TRIM17: variants seen among roughly 807,000 people sequenced by gnomAD.
TRIM17 encodes the protein tripartite motif containing 17.
Under a neutral mutation model 35.8 loss-of-function variants are expected in TRIM17, and 27 were observed. That is an observed-to-expected ratio of 0.75 (90% CI 0.56 to 1.04). The LOEUF is 1.04. Ranked by LOEUF, TRIM17 falls within the 50% of genes least tolerant of loss-of-function variation. The pLI, the probability that TRIM17 is intolerant of heterozygous loss-of-function variation, is 0.00. For missense variants in TRIM17, 582 were observed against 612.8 expected, an observed-to-expected ratio of 0.95 and a Z score of 0.53; for synonymous variants, 246 against 252.6, an observed-to-expected ratio of 0.97 and a Z score of 0.25.
chr1:228,409,595 A>G (rs1336447753), intron 4 of TRIM17, 184 bp from the exon 5 acceptor site: 13 of 555,798 alleles, frequency 2.3e-5, no homozygotes, highest in African/African-American at 3.8e-5. Flanking sequence ...CACTACCACC[A>G]GAGCCCCCAG....
rs1296156460 is a variant in TRIM17, at chr1:228,416,600, A to G, written c.-103T>C. The G allele has an allele frequency of 7.2e-5, 71 of 983,656 alleles. No homozygotes were observed. The highest frequency in any genetic ancestry group is 8.3e-5 in the Non-Finnish European group (69 of 829,930). 60.9% of individuals were successfully genotyped at this position (983,656 alleles called of 1,614,324 possible). A position where few individuals can be genotyped will look rare whatever the true frequency, so the allele number is the denominator to read the frequency against. On this transcript the variant is annotated 5_prime_UTR_variant, in exon 1 of 7. Coordinates refer to ENST00000366698, the MANE Select transcript of TRIM17 (RefSeq NM_016102.4). ...CTGGCCGAGCGCTCGCTGCCGGGAA[A>G]GGCTGGGTCTGCCCCCACGAAGCCC...
At chr1:228,409,348 C>G (rs572464699) in intron 5 of TRIM17, 41 bp downstream of exon 5, 1 of 1,597,140 alleles carries the variant, frequency 6.3e-7, no homozygotes, top group Non-Finnish European at 8.5e-7. Context: ...CCCCGCCCAC[C>G]GCTGCCACTG....
chr1:228,408,071 G>C lies in TRIM17; in HGVS notation c.*130C>G, dbSNP rs1656533353. ...CTAATCACAATTATATTTAGAATTT[G>C]AGAAACCCCCCTGTGTGTCTAATGG... is the stretch of plus-strand genomic sequence containing the variant. On this transcript the variant is annotated 3_prime_UTR_variant, in exon 7 of 7. Transcript: ENST00000366698. The surrounding 1 kb of genome is among the most constrained non-coding windows in gnomAD (Gnocchi z 6.3). 1 of 817,790 alleles carries C rather than the reference G, an allele frequency of 1.2e-6. No homozygotes were observed. The highest frequency in any genetic ancestry group is 1.9e-6 in the Non-Finnish European group (1 of 533,346). 50.7% of individuals were successfully genotyped at this position (817,790 alleles called of 1,614,324 possible).
chr1:228,409,284 G>C lies in TRIM17; in HGVS notation c.780-9C>G. 1 of 1,613,150 alleles carries C rather than the reference G, an allele frequency of 6.2e-7. No individual in the cohort carries two copies. Among genetic ancestry groups the C allele is most frequent in the Non-Finnish European group, 8.5e-7 (1 of 1,179,440 alleles). On this transcript the variant is annotated splice_polypyrimidine_tract_variant and intron_variant, in intron 5 of 6. Coordinates refer to ENST00000366698, the MANE Select transcript of TRIM17 (RefSeq NM_016102.4). ...CACTCACGTTGTTCTTCCTCCGGTGGGCACACACAGGGGAGTCTTATTGAC... is the reference window on the plus strand; with the variant it reads ...CACTCACGTTGTTCTTCCTCCGGTGCGCACACACAGGGGAGTCTTATTGAC...
rs1230097669 is a variant in TRIM17 at position 228,408,331 on chromosome 1, C to T, written c.1304G>A (p.Ser435Asn). ...GTAGGTGTGCAGGTGGGACCCATCGCTTACACTGTAGAAGGACACTTCCCC... is the reference window on the plus strand; with the variant it reads ...GTAGGTGTGCAGGTGGGACCCATCGTTTACACTGTAGAAGGACACTTCCCC... Reference protein sequence around the residue: ...EAGEVSFYSVSDGSHLHTYSQ... With the variant: ...EAGEVSFYSVNDGSHLHTYSQ... Residue 435 changes from serine to asparagine, a missense_variant, in exon 7 of 7, where the codon AGC becomes AAC. Coordinates refer to ENST00000366698, the MANE Select transcript of TRIM17 (RefSeq NM_016102.4). The surrounding 1 kb of genome is among the most constrained non-coding windows in gnomAD (Gnocchi z 6.3). 2 of 1,613,914 alleles carry T rather than the reference C, an allele frequency of 1.2e-6. No individual in the cohort carries two copies. Among genetic ancestry groups the T allele is most frequent in the African/African-American group, 1.3e-5 (1 of 75,028 alleles).
Position 228,409,280 on chromosome 1 carries a change from G to T in TRIM17, c.780-5C>A, listed in dbSNP as rs753662808. The stretch of plus-strand genomic sequence containing the variant: ...TGCACACTCACGTTGTTCTTCCTCC[G>T]GTGGGCACACACAGGGGAGTCTTAT... On this transcript the variant is annotated splice_region_variant and splice_polypyrimidine_tract_variant and intron_variant, in intron 5 of 6. Coordinates refer to ENST00000366698, the MANE Select transcript of TRIM17 (RefSeq NM_016102.4). 2.5e-6 allele frequency: 4 copies of T among 1,613,126 alleles called. No homozygotes were observed. In the African/African-American group the frequency reaches 5.3e-5, roughly 22 times the overall value.
rs1433779553 is a variant in TRIM17 at position 228,410,833 on chromosome 1, A to T, written c.756+113T>A. 3 of 749,350 alleles carry T rather than the reference A, an allele frequency of 4.0e-6. No homozygotes were observed. In the African/African-American group the frequency reaches 5.3e-5, roughly 13 times the overall value. 46.4% of individuals were successfully genotyped at this position (749,350 alleles called of 1,614,324 possible). ...GCCACCCAGCCTCCAGGACTAGCAG[A>T]CTGGGAGCTAACAGCCCTTTCCCGT... On this transcript the variant is annotated intron_variant, in intron 4 of 6. Coordinates refer to ENST00000366698, the MANE Select transcript of TRIM17 (RefSeq NM_016102.4). The surrounding 1 kb of genome is among the most constrained non-coding windows in gnomAD (Gnocchi z 4.6).
In TRIM17 at chr1:228,416,634, G is replaced by GCGGCC; in HGVS notation, c.-142_-138dup. On this transcript the variant is annotated 5_prime_UTR_variant, in exon 1 of 7. Coordinates refer to ENST00000366698, the MANE Select transcript of TRIM17 (RefSeq NM_016102.4). ...CTGCCCCCACGAAGCCCAGGAGGCT[G>GCGGCC]CGGCCCGGCCCGGGGCGTGGGGACC... 1.0e-6 allele frequency: 1 copy of GCGGCC among 985,412 alleles called. No individual in the cohort carries two copies. Among genetic ancestry groups the GCGGCC allele is most frequent in the Non-Finnish European group, 1.2e-6 (1 of 830,078 alleles). 61.0% of individuals were successfully genotyped at this position (985,412 alleles called of 1,614,324 possible).
At position 228,409,410 on chromosome 1, in the gene TRIM17, T is replaced by C; in HGVS notation, c.758A>G (p.Asp253Gly). 6.5e-7 allele frequency: 1 copy of C among 1,543,382 alleles called. No individual in the cohort carries two copies. The highest frequency in any genetic ancestry group is 8.7e-7 in the Non-Finnish European group (1 of 1,147,420). The change falls in exon 5 of 7, where the codon GAC becomes GGC. Residue 253 changes from aspartate to glycine, a missense_variant and splice_region_variant. Physicochemically the swap from Asp to Gly is moderately conservative, Grantham distance 94. Transcript: ENST00000366698. Reference protein sequence around the residue: ...STQGPLQMLQDMKEPLSRKNN... With the variant: ...STQGPLQMLQGMKEPLSRKNN... ...ATACCTGCTCAGGGGTTCCTTCATG[T>C]CCTGCAAAAGACAGGGACGGAGGGT...
At chr1:228,414,617 C>T (rs780162859) in intron 2 of TRIM17, 27 bp downstream of exon 2, 4 of 1,593,114 alleles carry the variant, frequency 2.5e-6, no homozygotes, top group Admixed American at 1.7e-5. Context: ...TCCCCGGCCC[C>T]TTGACCTGGG....
chr1:228,415,045 G>C lies in TRIM17; in HGVS notation c.28C>G (p.Leu10Val). MEAVELARKLQEEATCSICL... is the reference protein window; with the variant it reads MEAVELARKVQEEATCSICL... ...ATGGAGCACGTAGCTTCCTCCTGCAGTTTTCTGGCGAGTTCCACAGCCTCC... is the reference window on the plus strand; with the variant it reads ...ATGGAGCACGTAGCTTCCTCCTGCACTTTTCTGGCGAGTTCCACAGCCTCC... The change falls in exon 2 of 7, where the codon CTG becomes GTG. Residue 10 changes from leucine to valine, a missense_variant. By Grantham distance (32) the Leu-to-Val change is conservative. Transcript: ENST00000366698. 1.2e-6 allele frequency: 2 copies of C among 1,606,066 alleles called. No individual in the cohort carries two copies. Among genetic ancestry groups the C allele is most frequent in the South Asian group, 1.1e-5 (1 of 90,962 alleles).
Position 228,411,122 on chromosome 1 carries a change from G to A in TRIM17, c.580C>T (p.Leu194Phe), listed in dbSNP as rs774332447. 1.2e-6 allele frequency: 2 copies of A among 1,614,112 alleles called. No individual in the cohort carries two copies. Among genetic ancestry groups the A allele is most frequent in the Admixed American group, 1.7e-5 (1 of 60,020 alleles). ...CTCTGCTCTTCTTCCACCAGGTAGA[G>A]GTTCATCTTCTCAAACTCCAGCACA... ...RIVLEFEKMN[L>F]YLVEEEQRLL... is the part of the protein sequence containing the mutation. The change falls in exon 4 of 7, where the codon CTC becomes TTC. Residue 194 changes from leucine to phenylalanine, a missense_variant. By Grantham distance (22) the Leu-to-Phe change is conservative. Coordinates refer to ENST00000366698, the MANE Select transcript of TRIM17 (RefSeq NM_016102.4). This position sits in a 1 kb window ranked among gnomAD's most constrained non-coding sequence, Gnocchi z 4.2.
In TRIM17 at chr1:228,412,052, C is replaced by G. The variant is rs564624889; in HGVS notation, c.526-876G>C. Among the ~76,000 whole-genome samples, 291 of 152,226 alleles carry G rather than the reference C, an allele frequency of 1.9e-3. 1 individual carries two copies. Among genetic ancestry groups the G allele is most frequent in the African/African-American group, 6.6e-3 (275 of 41,520 alleles). ...GATTGCTTTTTGTTATTTTGTTTTT[C>G]CTTTTTCCATGAAGCTGAAGGCTGT... On this transcript the variant is annotated intron_variant, in intron 3 of 6. Coordinates refer to ENST00000366698, the MANE Select transcript of TRIM17 (RefSeq NM_016102.4).
chr1:228,408,578 A>C lies in TRIM17; in HGVS notation c.1057T>G (p.Trp353Gly), dbSNP rs769573207. ...QTAFSSGRHY[W>G]EVGMNITGDA... ...CCGGTGATGTTCATGCCCACCTCCCAGTAGTGCCTCCCAGAGGAGAAGGCC... is the reference window on the plus strand; with the variant it reads ...CCGGTGATGTTCATGCCCACCTCCCCGTAGTGCCTCCCAGAGGAGAAGGCC... Residue 353 changes from tryptophan to glycine, a missense_variant, in exon 7 of 7, where the codon TGG (tryptophan) becomes GGG (glycine). Transcript: ENST00000366698. The surrounding 1 kb of genome is among the most constrained non-coding windows in gnomAD (Gnocchi z 6.3). 2 of 1,614,068 alleles carry C rather than the reference A, an allele frequency of 1.2e-6. No individual in the cohort carries two copies. Among genetic ancestry groups the C allele is most frequent in the East Asian group, 4.5e-5 (2 of 44,878 alleles).
chr1:228,408,941 A>G lies in TRIM17; in HGVS notation c.884-190T>C. 1 of 1,491,066 alleles carries G rather than the reference A, an allele frequency of 6.7e-7. No individual in the cohort carries two copies. The highest frequency in any genetic ancestry group is 9.0e-7 in the Non-Finnish European group (1 of 1,116,306). The allele number at this position is 1,491,066 out of a possible 1,614,324, so 92.4% of individuals were successfully genotyped here. The stretch of plus-strand genomic sequence containing the variant: ...ATTGTGTGTGGGCCTTGGTGGCAAT[A>G]AGGTACAGGGGGCTGGGCAGAGAGA... On this transcript the variant is annotated intron_variant, in intron 6 of 6. Coordinates refer to ENST00000366698, the MANE Select transcript of TRIM17 (RefSeq NM_016102.4). The surrounding 1 kb of genome is among the most constrained non-coding windows in gnomAD (Gnocchi z 6.3).
Position 228,411,319 on chromosome 1 carries a change from C to T in TRIM17, c.526-143G>A, listed in dbSNP as rs977040530. On this transcript the variant is annotated intron_variant, in intron 3 of 6. Coordinates refer to ENST00000366698, the MANE Select transcript of TRIM17 (RefSeq NM_016102.4). This position sits in a 1 kb window ranked among gnomAD's most constrained non-coding sequence, Gnocchi z 4.2. ...GGGGACCAGGAACTGTGACAGAGGC[C>T]CCCACCTCTGCCATCCTGTGATACA... The T allele has an allele frequency of 4.5e-6, 3 of 663,912 alleles. No homozygotes were observed. Among genetic ancestry groups the T allele is most frequent in the Admixed American group, 5.9e-5 (2 of 33,982 alleles). 41.1% of individuals were successfully genotyped at this position (663,912 alleles called of 1,614,324 possible). A position where few individuals can be genotyped will look rare whatever the true frequency, so the allele number is the denominator to read the frequency against.
Position 228,415,114 on chromosome 1 carries a change from CTG to C in TRIM17, c.-41-3_-41-2del, listed in dbSNP as rs1193504166. On this transcript the variant is annotated splice_acceptor_variant and splice_polypyrimidine_tract_variant and intron_variant, in intron 1 of 6. Transcript: ENST00000366698. LOFTEE classifies it low-confidence loss of function (5UTR_SPLICE). Reference sequence around the variant, plus strand: ...GAGGCAGGTTCCCGCTTGAGGGACTCTGGAGAGAGTTGGAGGGAGCAGCCCGA... The same window carrying C: ...GAGGCAGGTTCCCGCTTGAGGGACTCGAGAGAGTTGGAGGGAGCAGCCCGA... 3 of 1,564,126 alleles carry C rather than the reference CTG, an allele frequency of 1.9e-6. No homozygotes were observed. The highest frequency in any genetic ancestry group is 2.6e-6 in the Non-Finnish European group (3 of 1,153,358).
chr1:228,413,109 G>T (rs924647854), intron 3 of TRIM17, among the ~76,000 whole-genome samples: 1 of 151,536 alleles, frequency 6.6e-6, no homozygotes, highest in South Asian at 2.1e-4. Flanking sequence ...TGCTTGGGAG[G>T]CTGAGGCAGA....
chr1:228,408,477 G>A lies in TRIM17; in HGVS notation c.1158C>T (p.Asn386=), dbSNP rs200930255. 241 of 1,614,056 alleles carry A rather than the reference G, an allele frequency of 1.5e-4. No homozygotes were observed. The highest frequency in any genetic ancestry group is 1.9e-4 in the Non-Finnish European group (223 of 1,180,026). ...RKDRVPKCPE[N]GFWVVQLSKG... is the part of the protein sequence containing the mutation. ...TGGACAGCTGCACCACCCAGAAGCC[G>A]TTTTCGGGGCACTTGGGGACCCTGT... The change falls in exon 7 of 7, where the codon AAC becomes AAT. Residue 386 remains asparagine (N), a synonymous_variant. Coordinates refer to ENST00000366698, the MANE Select transcript of TRIM17 (RefSeq NM_016102.4). The surrounding 1 kb of genome is among the most constrained non-coding windows in gnomAD (Gnocchi z 6.3).
Sources: gnomAD v4.1 joint callset for allele counts (sites outside exome capture counted in the v4.1 genomes callset) on GRCh38, gnomAD v4.1.1 for gene constraint, Gnocchi (gnomAD v3.1) non-coding constraint, MANE v1.5 for transcripts, NCBI Gene and HGNC (gene_info 2026-07-23, HGNC 2026-07-21) for gene names.